The following SYNPO2 variants were observed in gnomAD, a reference collection of about 807,000 sequenced individuals.
SYNPO2 encodes the protein synaptopodin 2.
SYNPO2 carries 56 observed loss-of-function variants against 85.0 expected under a neutral mutation model. That is an observed-to-expected ratio of 0.66 (90% CI 0.53 to 0.82). The LOEUF is 0.82. Among genes scored for constraint, SYNPO2 ranks in the 40% least tolerant of loss-of-function variants. The pLI is 0.00. For missense variants in SYNPO2, 1,575 were observed against 1,534.2 expected (o/e 1.03, Z -0.44); for synonymous variants, 602 against 591.1 (o/e 1.02, Z -0.27).
chr4:118,940,835 C>T (rs1317202754), intron 1 of SYNPO2, among the ~76,000 whole-genome samples: 3 of 152,172 alleles, frequency 2.0e-5, no homozygotes, highest in Admixed American at 6.5e-5. Flanking sequence ...TCCCACCTCT[C>T]TCCTGTCACC....
chr4:118,867,681 T>C (rs1378222775), intron 1 of SYNPO2, among the ~76,000 whole-genome samples: 1 of 152,124 alleles, frequency 6.6e-6, no homozygotes, highest in East Asian at 1.9e-4. Flanking sequence ...ACACATTACA[T>C]GTTGTTTGAC....
intron 1 of SYNPO2, among the ~76,000 whole-genome samples, chr4:118,909,891 A>G (rs1733076675): frequency 6.6e-6 from 1 of 152,228 alleles, no homozygotes; most frequent in African/African-American, 2.4e-5. Context: ...TAAAATAATT[A>G]CAAATGAGAC....
chr4:118,908,436 T>G (rs1404774846), intron 1 of SYNPO2, among the ~76,000 whole-genome samples: 4 of 152,202 alleles, frequency 2.6e-5, no homozygotes, highest in African/African-American at 9.6e-5. Context: ...TTTGGTACTT[T>G]AAAAATTGAC....
chr4:118,874,538 A>G (rs75408981), intron 1 of SYNPO2, among the ~76,000 whole-genome samples: 4,213 of 152,280 alleles, frequency 0.028, 97 homozygotes, highest in Non-Finnish European at 0.045. Flanking sequence ...ATATATCTGA[A>G]ACTAGCCCTG....
At chr4:119,032,082 A>C (rs764139766) in intron 4 of SYNPO2, 55 bp downstream of exon 4, 159 of 1,588,416 alleles carry the variant, frequency 1.0e-4, no homozygotes, top group South Asian at 1.4e-4. Context: ...CTGAGTGTCC[A>C]CTTTGCTTGA....
chr4:119,013,947 T>C (rs908932945), intron 1 of SYNPO2, among the ~76,000 whole-genome samples: 3 of 152,250 alleles, frequency 2.0e-5, no homozygotes, highest in Admixed American at 6.5e-5. Flanking sequence ...TTGAGTTCAT[T>C]GTGATATCAA....
intron 1 of SYNPO2, among the ~76,000 whole-genome samples, chr4:118,924,612 C>T: frequency 6.6e-6 from 1 of 152,210 alleles, no homozygotes; most frequent in East Asian, 1.9e-4. Context: ...ACTTGACAGG[C>T]ACTTGGCCTT....
chr4:118,889,178 G>T, intron 1 of SYNPO2, 37 bp downstream of exon 1: 1 of 1,589,566 alleles, frequency 6.3e-7, no homozygotes, highest in Non-Finnish European at 8.6e-7. Context: ...TCTGTGCTAG[G>T]AAGGAAGGAA....
At chr4:118,878,877 T>G (rs532206508) in intron 1 of SYNPO2, among the ~76,000 whole-genome samples, 1 of 152,210 alleles carries the variant, frequency 6.6e-6, no homozygotes, top group South Asian at 2.1e-4. Context: ...TCCTTTTCTG[T>G]CTTGTGGATG....
intron 1 of SYNPO2, among the ~76,000 whole-genome samples, chr4:118,969,298 A>C (rs1183041350): frequency 2.6e-5 from 4 of 152,228 alleles, no homozygotes; most frequent in Non-Finnish European, 5.9e-5. Flanking sequence ...TAGAAATTAC[A>C]TTGCACTTTG....
At chr4:118,867,244 C>A (rs1731714438) in intron 1 of SYNPO2, among the ~76,000 whole-genome samples, 1 of 152,082 alleles carries the variant, frequency 6.6e-6, no homozygotes, top group African/African-American at 2.4e-5. Context: ...TCTACAGTAT[C>A]TAATATATTG....
chr4:119,035,213 C>T, intron 4 of SYNPO2: 6 of 985,404 alleles, frequency 6.1e-6, no homozygotes, highest in Non-Finnish European at 7.2e-6. Flanking sequence ...CAAGTTTCCC[C>T]TTAATCATGT....
intron 1 of SYNPO2, among the ~76,000 whole-genome samples, chr4:118,910,827 CT>C (rs1451936444): frequency 1.3e-5 from 2 of 152,110 alleles, no homozygotes; most frequent in Admixed American, 6.5e-5. Context: ...AACTACTTTT[CT>C]TTTTTACTTT....
At chr4:118,864,254 G>C (rs558616066) in intron 1 of SYNPO2, among the ~76,000 whole-genome samples, 3 of 152,076 alleles carry the variant, frequency 2.0e-5, no homozygotes, top group East Asian at 1.9e-4. Flanking sequence ...CCATGTGTTT[G>C]TACAGTTTCT....
chr4:118,884,035 C>T (rs1197337101), upstream of SYNPO2, among the ~76,000 whole-genome samples: 1 of 152,126 alleles, frequency 6.6e-6, no homozygotes, highest in African/African-American at 2.4e-5. Flanking sequence ...ACAATATGAC[C>T]CAGATGGATG....
At chr4:119,002,353 C>G (rs1339054421) in intron 1 of SYNPO2, among the ~76,000 whole-genome samples, 1 of 152,032 alleles carries the variant, frequency 6.6e-6, no homozygotes, top group African/African-American at 2.4e-5. Flanking sequence ...CTCTGCCTCC[C>G]CAGTTCAAGC....
chr4:118,922,038 G>A (rs1378542020), intron 1 of SYNPO2, among the ~76,000 whole-genome samples: 1 of 152,164 alleles, frequency 6.6e-6, no homozygotes, highest in Non-Finnish European at 1.5e-5. Context: ...TGCCTTGAGG[G>A]TTGGGACTGT....
At chr4:118,964,279 T>C (rs1252585586) in intron 1 of SYNPO2, among the ~76,000 whole-genome samples, 1 of 150,570 alleles carries the variant, frequency 6.6e-6, no homozygotes, top group African/African-American at 2.5e-5. Context: ...CAAAACCCTG[T>C]CTCTACAAAA....
chr4:118,979,261 T>G (rs181132656), intron 1 of SYNPO2, among the ~76,000 whole-genome samples: 2 of 152,344 alleles, frequency 1.3e-5, no homozygotes, highest in East Asian at 3.9e-4. Flanking sequence ...TGGCTATGCT[T>G]TCCTACTGCC....
Sources: allele counts gnomAD v4.1 joint callset (sites outside exome capture counted in the v4.1 genomes callset), GRCh38; gene constraint gnomAD v4.1.1; transcripts MANE v1.5; gene names NCBI Gene and HGNC (gene_info 2026-07-23, HGNC 2026-07-21).